ST7: variants seen among roughly 807,000 people sequenced by gnomAD.
ST7 encodes the protein suppressor of tumorigenicity 7 protein.
In ST7, 28 loss-of-function variants were observed where a neutral mutation model predicts 78.7. The observed-to-expected ratio is 0.36, with a 90% CI of 0.26 to 0.49. ST7 has a LOEUF of 0.49. Ranked by LOEUF, ST7 falls within the 20% of genes least tolerant of loss-of-function variation. ST7 has a pLI of 0.99. For missense variants in ST7, 418 were observed against 696.0 expected, an observed-to-expected ratio of 0.60 and a Z score of 4.49; for synonymous variants, 247 against 249.6, an observed-to-expected ratio of 0.99 and a Z score of 0.10.
intron 1 of ST7, among the ~76,000 whole-genome samples, chr7:116,975,604 C>T (rs752442005): frequency 5.9e-5 from 9 of 151,864 alleles, no homozygotes; most frequent in Admixed American, 3.9e-4. Flanking sequence ...GACAGAGTTT[C>T]ATCATGTTGG....
rs767610386 is a variant in ST7, at chr7:117,151,600, CTTAT to C, written c.963+13071_963+13074del. On this transcript the variant is annotated intron_variant, in intron 9 of 15. Coordinates refer to ENST00000323984, the MANE Select transcript of ST7 (RefSeq NM_001369598.1). The stretch of plus-strand genomic sequence containing the variant: ...AATTGCCCCTTCACTTTTGAAATTA[CTTAT>C]TTGTTTATTTACTTATTTATTGTCT... Among the ~76,000 whole-genome samples the C allele has an allele frequency of 2.2e-4, 33 of 152,226 alleles. 1 individual carries two copies. The highest frequency in any genetic ancestry group is 3.4e-3 in the Middle Eastern group (1 of 294).
At chr7:117,060,980 T>G (rs1196616378) in intron 1 of ST7, among the ~76,000 whole-genome samples, 3 of 152,208 alleles carry the variant, frequency 2.0e-5, no homozygotes, top group Admixed American at 2.0e-4. Context: ...CACTCCAGCC[T>G]GGGCGGCAGA....
intron 12 of ST7, among the ~76,000 whole-genome samples, chr7:117,195,119 CT>C (rs34801245): frequency 6.6e-6 from 1 of 151,306 alleles, no homozygotes; most frequent in Non-Finnish European, 1.5e-5. Context: ...TATTTCTAGC[CT>C]TTTTTCCTAC....
At chr7:117,101,823 C>T (rs1224013065) in intron 2 of ST7, among the ~76,000 whole-genome samples, 1 of 152,196 alleles carries the variant, frequency 6.6e-6, no homozygotes, top group Admixed American at 6.5e-5. Flanking sequence ...ACTTCTGGTA[C>T]TAAAAATCTG....
chr7:117,032,616 A>T (rs1796661944), intron 1 of ST7, among the ~76,000 whole-genome samples: 2 of 152,292 alleles, frequency 1.3e-5, no homozygotes, highest in Admixed American at 1.3e-4. Context: ...TTTTCTAATT[A>T]TTTGGCATTA....
chr7:117,114,405 A>G (rs76551312), intron 2 of ST7, among the ~76,000 whole-genome samples: 2 of 139,114 alleles, frequency 1.4e-5, no homozygotes, highest in South Asian at 4.5e-4. Flanking sequence ...CCCTTTTGCC[A>G]AAAAAAAAAA....
chr7:117,035,976 C>T lies in ST7; in HGVS notation c.152-63786C>T, dbSNP rs1796877101. Among the ~76,000 whole-genome samples the T allele has an allele frequency of 1.3e-5, 2 of 152,112 alleles. 1 individual carries two copies. Among genetic ancestry groups the T allele is most frequent in the South Asian group, 4.1e-4 (2 of 4,824 alleles). ...TGAGAAGTATACAAGAAGTTTATAG[C>T]TTTATTACTATTTCACAACTGATTC... On this transcript the variant is annotated intron_variant, in intron 1 of 15. Transcript: ENST00000323984.
At chr7:117,137,163 C>T (rs1031835610) in intron 8 of ST7, 3 of 152,042 alleles carry the variant, frequency 2.0e-5, no homozygotes, top group Non-Finnish European at 4.4e-5. Flanking sequence ...TAAATGTTAA[C>T]GTTAAACTTG....
At chr7:117,216,967 A>G (rs1792737339) in intron 13 of ST7, among the ~76,000 whole-genome samples, 1 of 152,138 alleles carries the variant, frequency 6.6e-6, no homozygotes. Flanking sequence ...AACCAATTAG[A>G]AAAAGGAAAA....
chr7:116,979,958 C>CTTTTTTTTTTTTTTTTTTT lies in ST7; in HGVS notation c.151+26284_151+26285insTTTTTTTTTTTTTTTTTTT, dbSNP rs745530832. On this transcript the variant is annotated intron_variant, in intron 1 of 15. Transcript: ENST00000323984. The stretch of plus-strand genomic sequence containing the variant: ...CCTTTTTTCTTTTTCTTTTGTTTCT[C>CTTTTTTTTTTTTTTTTTTT]TTTTTTTTTTTTTTTTTGGAGACAG... 3.2e-3 allele frequency among the ~76,000 whole-genome samples: 275 copies of CTTTTTTTTTTTTTTTTTTT among 86,224 alleles called. 6 individuals are homozygous for CTTTTTTTTTTTTTTTTTTT. The highest frequency in any genetic ancestry group is 0.013 in the Middle Eastern group (1 of 80). The allele number at this position is 86,224 out of a possible 152,430, so 56.6% of individuals were successfully genotyped here.
At chr7:116,972,992 G>A (rs1793511431) in intron 1 of ST7, 1 of 746,942 alleles carries the variant, frequency 1.3e-6, no homozygotes, top group African/African-American at 1.7e-5. Context: ...TCACCCATTT[G>A]TTTATTCACT....
intron 1 of ST7, among the ~76,000 whole-genome samples, chr7:117,025,303 T>C (rs1796129646): frequency 6.6e-6 from 1 of 152,228 alleles, no homozygotes; most frequent in Non-Finnish European, 1.5e-5. Context: ...AAGCATCTAA[T>C]TATTACTAAA....
chr7:117,105,148 A>G (rs1801854443), intron 2 of ST7, among the ~76,000 whole-genome samples: 1 of 152,254 alleles, frequency 6.6e-6, no homozygotes, highest in Non-Finnish European at 1.5e-5. Flanking sequence ...GTGATGAAAA[A>G]GAATGTTCTG....
At chr7:117,226,241 T>C (rs185569652) in intron 15 of ST7, among the ~76,000 whole-genome samples, 18 of 152,352 alleles carry the variant, frequency 1.2e-4, no homozygotes, top group African/African-American at 4.1e-4. Flanking sequence ...TTCTAAGTGA[T>C]GGTGTTTCAG....
chr7:117,165,843 C>T, intron 9 of ST7, among the ~76,000 whole-genome samples: 1 of 152,156 alleles, frequency 6.6e-6, no homozygotes, highest in Non-Finnish European at 1.5e-5. Context: ...GGAGGAGGAG[C>T]TTGGAACATG....
At chr7:116,985,996 C>T (rs1019819959) in intron 1 of ST7, among the ~76,000 whole-genome samples, 1 of 152,128 alleles carries the variant, frequency 6.6e-6, no homozygotes, top group Non-Finnish European at 1.5e-5. Flanking sequence ...CCATGCCTGG[C>T]TAATATTTGT....
chr7:117,002,859 A>G (rs991750725), intron 1 of ST7, among the ~76,000 whole-genome samples: 9 of 49,776 alleles, frequency 1.8e-4, no homozygotes, highest in African/African-American at 7.0e-4. Flanking sequence ...TTTTTGCTCT[A>G]GTTGCCCAGG....
intron 1 of ST7, among the ~76,000 whole-genome samples, chr7:117,087,045 C>T (rs1360020143): frequency 6.6e-6 from 1 of 152,114 alleles, no homozygotes; most frequent in East Asian, 1.9e-4. Context: ...TTGCAGCAGG[C>T]CTTCTTTTGC....
intron 1 of ST7, among the ~76,000 whole-genome samples, chr7:117,002,639 C>CTGTGTGTG (rs140099821): frequency 0.063 from 9,123 of 145,836 alleles, 323 homozygotes; most frequent in East Asian, 0.16. Flanking sequence ...GTAGTTGAGG[C>CTGTGTGTG]TGTGTGTGTG....
Sources: allele counts gnomAD v4.1 joint callset (sites outside exome capture counted in the v4.1 genomes callset), GRCh38; gene constraint gnomAD v4.1.1; transcripts MANE v1.5; gene names NCBI Gene and HGNC (gene_info 2026-07-23, HGNC 2026-07-21).